Variants in NOL6 observed in about 807,000 individuals in gnomAD.
NOL6 encodes the protein nucleolar RNA-associated protein.
Under a neutral mutation model 131.7 loss-of-function variants are expected in NOL6, and 33 were observed. The observed-to-expected ratio is 0.25, with a 90% CI of 0.19 to 0.33. The LOEUF is 0.33. Among genes scored for constraint, NOL6 ranks in the 10% least tolerant of loss-of-function variants. NOL6 has a pLI of 1.00. For synonymous variants in NOL6, 580 were observed against 605.7 expected (o/e 0.96, Z 0.62); for missense variants, 1,297 against 1,494.5 (o/e 0.87, Z 2.18).
At chr9:33,469,792 G>T (rs1407994446) in intron 4 of NOL6, 125 bp from the exon 5 acceptor site, 4 of 1,199,726 alleles carry the variant, frequency 3.3e-6, no homozygotes, top group Non-Finnish European at 4.7e-6. Flanking sequence ...GCCACGGTTA[G>T]CAACACTAGG....
At chr9:33,468,599 C>T (rs1827316082) in intron 8 of NOL6, 33 bp from the exon 9 acceptor site, 2 of 1,606,690 alleles carry the variant, frequency 1.2e-6, no homozygotes, top group Admixed American at 1.7e-5. Flanking sequence ...TAGAAGGTAT[C>T]CCCTTCTGGG....
intron 3 of NOL6, among the ~76,000 whole-genome samples, chr9:33,471,227 C>T (rs771415193): frequency 2.0e-5 from 3 of 152,260 alleles, no homozygotes; most frequent in Non-Finnish European, 4.4e-5. Flanking sequence ...CGCGCCATTG[C>T]ACTCCAGTGT....
intron 3 of NOL6, chr9:33,470,643 C>T (rs1827385619): frequency 6.6e-6 from 1 of 152,332 alleles, no homozygotes; most frequent in South Asian, 2.1e-4. Context: ...CGAGATCGCA[C>T]CACTGCACTA....
Position 33,469,121 on chromosome 9 carries a change from C to T in NOL6, c.863G>A (p.Gly288Asp), listed in dbSNP as rs1170758735. The change falls in exon 7 of 26, where the codon GGT becomes GAT. Residue 288 changes from glycine (G) to aspartate (D), a missense_variant and splice_region_variant. Physicochemically the swap from Gly to Asp is moderately conservative, Grantham distance 94. Transcript: ENST00000297990. ...GCGGGGGGTAGGAGGCTCTGGGCTA[C>T]CTGTGGGATGAAAAGGGAAGCCATG... Reference protein sequence around the residue: ...WYRGQSPAGDGSPEPPTPRYN... With the variant: ...WYRGQSPAGDDSPEPPTPRYN... The T allele has an allele frequency of 1.2e-6, 2 of 1,614,108 alleles. No homozygotes were observed. Among genetic ancestry groups the T allele is most frequent in the Admixed American group, 3.3e-5 (2 of 60,008 alleles).
In NOL6 at chr9:33,468,527, A is replaced by G; in HGVS notation, c.1187T>C (p.Leu396Pro). The change falls in exon 9 of 26, where the codon CTC (leucine) becomes CCC (proline). Residue 396 changes from leucine to proline, a missense_variant. Coordinates refer to ENST00000297990, the MANE Select transcript of NOL6 (RefSeq NM_022917.5). ...DLTVNGISLC[L>P]SSDPSLPALA... ...ACTCACCAAAGAGGGATCTGAGCTG[A>G]GACATAAACTGATCCCGTTGACTGT... is the stretch of plus-strand genomic sequence containing the variant. 6.2e-7 allele frequency: 1 copy of G among 1,614,168 alleles called. No individual in the cohort carries two copies. Among genetic ancestry groups the G allele is most frequent in the Non-Finnish European group, 8.5e-7 (1 of 1,180,026 alleles).
Position 33,467,152 on chromosome 9 carries a change from G to T in NOL6, c.1836C>A (p.Arg612=), listed in dbSNP as rs1398308256. Reference sequence around the variant, plus strand: ...GGGTGACCACCTGGTGGGGAATAAGGCGCTTCTGGGACATAGAGGCTGCCT... The same window carrying T: ...GGGTGACCACCTGGTGGGGAATAAGTCGCTTCTGGGACATAGAGGCTGCCT... ...VWEAASMSQK[R]LIPHQVVTHL... The change falls in exon 14 of 26, where the codon CGC becomes CGA. Residue 612 remains arginine, a synonymous_variant. Transcript: ENST00000297990. This position sits in a 1 kb window ranked among gnomAD's most constrained non-coding sequence, Gnocchi z 4.4. The T allele has an allele frequency of 6.2e-7, 1 of 1,614,168 alleles. No individual in the cohort carries two copies. The highest frequency in any genetic ancestry group is 1.1e-5 in the South Asian group (1 of 91,086).
In NOL6 at chr9:33,469,230, C is replaced by A; in HGVS notation, c.839G>T (p.Arg280Leu). Residue 280 changes from arginine to leucine, a missense_variant, in exon 6 of 26, where the codon CGA becomes CTA. Transcript: ENST00000297990. ...TKNNVRSAWY[R>L]GQSPAGDGSP... is the part of the protein sequence containing the mutation. ...ACCATCCCCTGCAGGACTCTGCCCT[C>A]GGTACCAGGCAGAGCGCACATTGTT... 6.2e-7 allele frequency: 1 copy of A among 1,614,232 alleles called. No homozygotes were observed. Among genetic ancestry groups the A allele is most frequent in the Non-Finnish European group, 8.5e-7 (1 of 1,180,040 alleles).
In NOL6 at chr9:33,463,879, G is replaced by T; in HGVS notation, c.2946C>A (p.Pro982=). 6.2e-7 allele frequency: 1 copy of T among 1,614,100 alleles called. No individual in the cohort carries two copies. The highest frequency in any genetic ancestry group is 8.5e-7 in the Non-Finnish European group (1 of 1,180,020). ...QLVVLAAEAL[P]MLEKQLMDPR... is the part of the protein sequence containing the mutation. Reference sequence around the variant, plus strand: ...GATCCATGAGCTGCTTCTCTAACATGGGCAGGGCTTCAGCTGCCAGGACCA... The same window carrying T: ...GATCCATGAGCTGCTTCTCTAACATTGGCAGGGCTTCAGCTGCCAGGACCA... Residue 982 remains proline, a synonymous_variant, in exon 23 of 26, where the codon CCC becomes CCA. Transcript: ENST00000297990.
At position 33,472,770 on chromosome 9, in the gene NOL6, C is replaced by T. The variant is rs28490104; in HGVS notation, c.55-358G>A. 1.9e-3 allele frequency: 560 copies of T among 302,106 alleles called. 8 individuals carry two copies. In the Admixed American group the frequency reaches 0.021, roughly 12 times the overall value. 18.7% of individuals were successfully genotyped at this position (302,106 alleles called of 1,614,324 possible). A position where few individuals can be genotyped will look rare whatever the true frequency, so the allele number is the denominator to read the frequency against. ...GGCGGATCAGCTGAAGTCAGGAGTT[C>T]GAAATCAGCCTGGCCAACATGGGGA... On this transcript the variant is annotated intron_variant, in intron 1 of 25. Coordinates refer to ENST00000297990, the MANE Select transcript of NOL6 (RefSeq NM_022917.5).
chr9:33,468,886 G>A lies in NOL6; in HGVS notation c.1027-14C>T. On this transcript the variant is annotated splice_polypyrimidine_tract_variant and intron_variant, in intron 7 of 25. Coordinates refer to ENST00000297990, the MANE Select transcript of NOL6 (RefSeq NM_022917.5). ...CCCACCCTGGCCCTGAAAGAGACAG[G>A]GAGAGGCTGAGGTCAGAGCCTGCCC... 2 of 1,614,144 alleles carry A rather than the reference G, an allele frequency of 1.2e-6. No individual in the cohort carries two copies. Among genetic ancestry groups the A allele is most frequent in the African/African-American group, 1.3e-5 (1 of 75,046 alleles).
In NOL6 at chr9:33,472,326, C is replaced by G. The variant is rs1827435695; in HGVS notation, c.141G>C (p.Lys47Asn). The G allele has an allele frequency of 3.1e-6, 5 of 1,614,210 alleles. No individual in the cohort carries two copies. The highest frequency in any genetic ancestry group is 4.2e-6 in the Non-Finnish European group (5 of 1,180,040). ...TGAGCTTCACTGGCTGCAGGAGGCC[C>G]TTCGCTGGAGGTTCAGCCAATGTAC... is the stretch of plus-strand genomic sequence containing the variant. The part of the protein sequence containing the change: ...RKRTLAEPPA[K>N]GLLQPVKLSR... Residue 47 changes from lysine to asparagine, a missense_variant, in exon 2 of 26, where the codon AAG becomes AAC. Coordinates refer to ENST00000297990, the MANE Select transcript of NOL6 (RefSeq NM_022917.5).
rs762118342 is a variant in NOL6, at chr9:33,468,812, G to A, written c.1087C>T (p.Arg363Cys). The A allele has an allele frequency of 4.5e-5, 72 of 1,614,166 alleles. No individual in the cohort carries two copies. The highest frequency in any genetic ancestry group is 6.0e-5 in the Non-Finnish European group (71 of 1,180,026). ...SMLVVFLVST[R>C]KIHTTMSGYQ... ...CCACTCATGGTGGTATGGATCTTGC[G>A]TGTAGACACAAGGAAGACAACCAGC... is the stretch of plus-strand genomic sequence containing the variant. Residue 363 changes from arginine (R) to cysteine (C), a missense_variant, in exon 8 of 26, where the codon CGC (arginine) becomes TGC (cysteine). Physicochemically the swap from Arg to Cys is radical, Grantham distance 180. Transcript: ENST00000297990.
In NOL6 at chr9:33,462,565, A is replaced by T. The variant is rs1303819715; in HGVS notation, c.*99T>A. 2 of 1,384,432 alleles carry T rather than the reference A, an allele frequency of 1.4e-6. No individual in the cohort carries two copies. The highest frequency in any genetic ancestry group is 2.0e-6 in the Non-Finnish European group (2 of 1,000,132). 85.8% of individuals were successfully genotyped at this position (1,384,432 alleles called of 1,614,324 possible). On this transcript the variant is annotated 3_prime_UTR_variant, in exon 26 of 26. Transcript: ENST00000297990. ...TGTTCAGCCAGCAGGCCCTCCATGG[A>T]GGATTCATGTCCAAGGAGGGTGGAG...
At chr9:33,463,669 T>C (rs145806679) in intron 23 of NOL6, among the ~76,000 whole-genome samples, 162 bp downstream of exon 23, 149 of 152,084 alleles carry the variant, frequency 9.8e-4, no homozygotes, top group African/African-American at 3.5e-3. Flanking sequence ...GGAACCCAGG[T>C]TCCCCAGGCT....
In NOL6 at chr9:33,467,912, G is replaced by GC. The variant is rs1563879144; in HGVS notation, c.1425-45dup. On this transcript the variant is annotated intron_variant, in intron 11 of 25. Transcript: ENST00000297990. This position sits in a 1 kb window ranked among gnomAD's most constrained non-coding sequence, Gnocchi z 4.4. ...CCAAAGAGGGGTAATCAGGTTGCTG[G>GC]CCCCTAGTACCACCTCCTCCCTGAA... is the stretch of plus-strand genomic sequence containing the variant. 2 of 1,583,344 alleles carry GC rather than the reference G, an allele frequency of 1.3e-6. No individual in the cohort carries two copies. The highest frequency in any genetic ancestry group is 1.3e-5 in the African/African-American group (1 of 74,386).
At position 33,467,821 on chromosome 9, in the gene NOL6, A is replaced by C; in HGVS notation, c.1472T>G (p.Leu491Arg). 1 of 1,605,154 alleles carries C rather than the reference A, an allele frequency of 6.2e-7. No homozygotes were observed. Among genetic ancestry groups the C allele is most frequent in the Non-Finnish European group, 8.5e-7 (1 of 1,175,874 alleles). Residue 491 changes from leucine (L) to arginine (R), a missense_variant, in exon 12 of 26, where the codon CTC becomes CGC. Coordinates refer to ENST00000297990, the MANE Select transcript of NOL6 (RefSeq NM_022917.5). This position sits in a 1 kb window ranked among gnomAD's most constrained non-coding sequence, Gnocchi z 4.4. The part of the protein sequence containing the change: ...RLQAACHRLK[L>R]WPELQDNGGD... ...ACCATTGTCCTGCAGCTCTGGCCAG[A>C]GCTTCAGCCGGTGGCACGCTGCCTG... is the stretch of plus-strand genomic sequence containing the variant.
chr9:33,470,279 A>C (rs950287435), intron 3 of NOL6, 88 bp from the exon 4 acceptor site: 6 of 1,182,748 alleles, frequency 5.1e-6, no homozygotes, highest in Non-Finnish European at 6.8e-6. Flanking sequence ...TAACACATCG[A>C]TATGTTTGAA....
chr9:33,463,126 A>G lies in NOL6; in HGVS notation c.3198T>C (p.Phe1066=), dbSNP rs1378581312. The G allele has an allele frequency of 6.2e-7, 1 of 1,613,246 alleles. No homozygotes were observed. Among genetic ancestry groups the G allele is most frequent in the Admixed American group, 1.7e-5 (1 of 59,882 alleles). ...QLYLTQLREA[F]GDLALFFYDQ... ...CATAGAAGAAAAGGGCCAGATCCCCAAAGGCCTCCTAGAAAGGGACAGAAC... is the reference window on the plus strand; with the variant it reads ...CATAGAAGAAAAGGGCCAGATCCCCGAAGGCCTCCTAGAAAGGGACAGAAC... The change falls in exon 25 of 26, where the codon TTT becomes TTC. Residue 1066 remains phenylalanine (F), a synonymous_variant. Coordinates refer to ENST00000297990, the MANE Select transcript of NOL6 (RefSeq NM_022917.5).
At chr9:33,466,867 G>A in intron 15 of NOL6, 45 bp downstream of exon 15, 1 of 1,598,320 alleles carries the variant, frequency 6.3e-7, no homozygotes, top group South Asian at 1.1e-5. Context: ...TCTCCCCGCA[G>A]ATTGATTACT....
Sources: allele counts gnomAD v4.1 joint callset (sites outside exome capture counted in the v4.1 genomes callset), GRCh38; gene constraint gnomAD v4.1.1; non-coding constraint Gnocchi (gnomAD v3.1); transcripts MANE v1.5; gene names NCBI Gene and HGNC (gene_info 2026-07-23, HGNC 2026-07-21).